The following FGF14 variants were observed in gnomAD, a reference collection of about 807,000 sequenced individuals.
FGF14 encodes fibroblast growth factor 14, also known as fibroblast growth factor homologous factor 4.
A neutral mutation model predicts 25.5 loss-of-function variants in FGF14; 5 were observed. The observed-to-expected ratio is 0.20, with a 90% CI of 0.10 to 0.41. The LOEUF (loss-of-function observed/expected upper bound fraction) is 0.41, where lower values mean the gene tolerates loss of function less well. Ranked by LOEUF, FGF14 falls within the 10% of genes least tolerant of loss-of-function variation. The pLI is 1.00. For missense variants in FGF14, 222 were observed against 320.1 expected (o/e 0.69, Z 2.34); for synonymous variants, 138 against 118.3 (o/e 1.17, Z -1.08).
At position 102,368,733 on chromosome 13, in the gene FGF14, A is replaced by G. The variant is rs114458894; in HGVS notation, c.208+32738T>C. Among the ~76,000 whole-genome samples, 1,469 of 152,300 alleles carry G rather than the reference A, an allele frequency of 9.6e-3. 21 individuals are homozygous for G. Among genetic ancestry groups the G allele is most frequent in the African/African-American group, 0.034 (1,400 of 41,560 alleles). On this transcript the variant is annotated intron_variant, in intron 1 of 4. Coordinates refer to the FGF14 transcript ENST00000376131. ...TAAATTAGTCATTATTTTCTTACATATAAAGAAAATGCAATTCCCCTTCTT... is the reference window on the plus strand; with the variant it reads ...TAAATTAGTCATTATTTTCTTACATGTAAAGAAAATGCAATTCCCCTTCTT...
intron 1 of FGF14, among the ~76,000 whole-genome samples, chr13:102,397,211 T>A (rs2058605043): frequency 1.3e-5 from 2 of 152,142 alleles, no homozygotes; most frequent in African/African-American, 4.8e-5. Context: ...CAGCCCTAGA[T>A]GTAAAGCAAG....
At chr13:102,022,405 AG>A (rs2040705442) in intron 1 of FGF14, among the ~76,000 whole-genome samples, 2 of 152,128 alleles carry the variant, frequency 1.3e-5, no homozygotes, top group African/African-American at 2.4e-5. Context: ...TGGAGTCATA[AG>A]AGCAAGGAAT....
intron 1 of FGF14, among the ~76,000 whole-genome samples, chr13:102,015,232 G>C (rs2040277819): frequency 6.6e-6 from 1 of 152,130 alleles, no homozygotes; most frequent in East Asian, 1.9e-4. Context: ...AGAAACATCA[G>C]CAGAATTTAT....
chr13:101,921,527 ATCTAT>A (rs2034007084), upstream of FGF14, among the ~76,000 whole-genome samples: 2 of 152,178 alleles, frequency 1.3e-5, no homozygotes, highest in African/African-American at 4.8e-5. Flanking sequence ...TTTGTGTAAG[ATCTAT>A]TCTGTCTATC....
intron 1 of FGF14, among the ~76,000 whole-genome samples, chr13:101,886,744 C>A (rs1436632479): frequency 3.3e-5 from 5 of 152,106 alleles, no homozygotes; most frequent in East Asian, 1.9e-4. Flanking sequence ...AAGCCACCAA[C>A]AGAATGGAGA....
intron 1 of FGF14, among the ~76,000 whole-genome samples, chr13:101,896,929 G>A (rs1385526568): frequency 1.3e-5 from 2 of 152,096 alleles, no homozygotes; most frequent in African/African-American, 4.8e-5. Context: ...GATAATCATT[G>A]AAACTGCTTC....
At position 102,161,570 on chromosome 13, in the gene FGF14, A is replaced by AAAGAAGAAAGAAGAAAGAAGAAGAAG. The variant is rs1555369389; in HGVS notation, c.208+239900_208+239901insCTTCTTCTTCTTTCTTCTTTCTTCTT. Among the ~76,000 whole-genome samples, 4 of 5,650 alleles carry AAAGAAGAAAGAAGAAAGAAGAAGAAG rather than the reference A, an allele frequency of 7.1e-4. 1 individual carries two copies. The highest frequency in any genetic ancestry group is 9.6e-4 in the Non-Finnish European group (4 of 4,182). The allele number at this position is 5,650 out of a possible 152,430, so 3.7% of individuals were successfully genotyped here. A position where few individuals can be genotyped will look rare whatever the true frequency, so the allele number is the denominator to read the frequency against. On this transcript the variant is annotated intron_variant, in intron 1 of 4. Coordinates refer to the FGF14 transcript ENST00000376131. ...TCTATGCAACCAACTTTCTGTGAAG[A>AAAGAAGAAAGAAGAAAGAAGAAGAAG]AAGAAAGAAGAAGAAGAAGAAGAAG... is the stretch of plus-strand genomic sequence containing the variant.
intron 1 of FGF14, among the ~76,000 whole-genome samples, chr13:102,252,674 T>A (rs552983587): frequency 1.4e-4 from 22 of 152,258 alleles, no homozygotes; most frequent in East Asian, 3.9e-4. Flanking sequence ...CTTTTTTTTT[T>A]AATTATACTT....
At chr13:102,110,694 G>A (rs1295527603) in intron 1 of FGF14, among the ~76,000 whole-genome samples, 2 of 152,038 alleles carry the variant, frequency 1.3e-5, no homozygotes, top group Non-Finnish European at 2.9e-5. Flanking sequence ...CGCCTGTTAC[G>A]TGATCCTCAG....
chr13:101,802,749 G>T (rs1388555496), intron 3 of FGF14, among the ~76,000 whole-genome samples: 1 of 152,184 alleles, frequency 6.6e-6, no homozygotes, highest in Admixed American at 6.6e-5. Flanking sequence ...TGCATGATAA[G>T]GCATTTAAAA....
At chr13:101,851,776 T>C (rs765100610) in intron 3 of FGF14, among the ~76,000 whole-genome samples, 2 of 152,114 alleles carry the variant, frequency 1.3e-5, no homozygotes, top group Non-Finnish European at 2.9e-5. Flanking sequence ...ATAGTCACAA[T>C]TGAAAAGCCA....
intron 3 of FGF14, among the ~76,000 whole-genome samples, chr13:101,786,528 TCTC>T (rs531541402): frequency 1.3e-5 from 2 of 152,180 alleles, no homozygotes; most frequent in Non-Finnish European, 1.5e-5. Flanking sequence ...TCCTAAGCCT[TCTC>T]CTCTTCTTCT....
chr13:101,885,959 T>C (rs915535774), intron 1 of FGF14, among the ~76,000 whole-genome samples: 7 of 152,162 alleles, frequency 4.6e-5, no homozygotes, highest in African/African-American at 1.7e-4. Context: ...AAACCTAATA[T>C]TTCAAACCAG....
intron 1 of FGF14, among the ~76,000 whole-genome samples, chr13:102,136,676 A>C (rs1362586317): frequency 3.3e-5 from 5 of 152,264 alleles, no homozygotes; most frequent in African/African-American, 9.6e-5. Context: ...AAAAAAAAAA[A>C]ACCTGAGACT....
At chr13:101,745,121 A>T (rs1406826526) in intron 3 of FGF14, among the ~76,000 whole-genome samples, 1 of 152,072 alleles carries the variant, frequency 6.6e-6, no homozygotes, top group African/African-American at 2.4e-5. Flanking sequence ...ATGATTATTC[A>T]TGTCTTTTCT....
chr13:102,313,609 G>A (rs2055879833), intron 1 of FGF14, among the ~76,000 whole-genome samples: 1 of 152,096 alleles, frequency 6.6e-6, no homozygotes, highest in Admixed American at 6.6e-5. Context: ...TTGGGCAGGG[G>A]AGGGGGGTAA....
intron 1 of FGF14, among the ~76,000 whole-genome samples, chr13:101,995,902 C>CA (rs998753862): frequency 3.0e-4 from 46 of 151,890 alleles, no homozygotes; most frequent in African/African-American, 1.1e-3. Context: ...TTAAAGCATA[C>CA]AAAAAATAGG....
At chr13:101,894,558 C>T (rs900829685) in intron 1 of FGF14, among the ~76,000 whole-genome samples, 30 of 152,098 alleles carry the variant, frequency 2.0e-4, no homozygotes, top group Admixed American at 5.3e-4. Context: ...AAGAAATTTC[C>T]GCTCCCATTT....
At chr13:102,128,978 G>A (rs2140400930) in intron 1 of FGF14, among the ~76,000 whole-genome samples, 1 of 152,314 alleles carries the variant, frequency 6.6e-6, no homozygotes, top group Admixed American at 6.5e-5. Context: ...AGATAGTTGG[G>A]AGGCTGAGGC....
Sources: gnomAD v4.1 joint callset for allele counts (sites outside exome capture counted in the v4.1 genomes callset) on GRCh38, gnomAD v4.1.1 for gene constraint, MANE v1.5 for transcripts, NCBI Gene and HGNC (gene_info 2026-07-23, HGNC 2026-07-21) for gene names.